Variants in CABLES1 observed in about 807,000 individuals in gnomAD.
CABLES1 encodes Cdk5 and Abl enzyme substrate 1, also known as CDK5 and ABL1 enzyme substrate 1.
In CABLES1, 36 loss-of-function variants were observed where a neutral mutation model predicts 57.8. That is an observed-to-expected ratio of 0.62 (90% CI 0.48 to 0.82). CABLES1 has a LOEUF of 0.82. Among genes scored for constraint, CABLES1 ranks in the 40% least tolerant of loss-of-function variants. The probability of loss-of-function intolerance (pLI) is 0.00; values close to 1 mark genes in which losing one functional copy is unlikely to be tolerated. For missense variants in CABLES1, 767 were observed against 836.6 expected, an observed-to-expected ratio of 0.92 and a Z score of 1.03; for synonymous variants, 374 against 363.0, an observed-to-expected ratio of 1.03 and a Z score of -0.35.
Position 23,194,487 on chromosome 18 carries a change from T to C in CABLES1, c.957T>C (p.Phe319=). The C allele has an allele frequency of 1.2e-6, 2 of 1,613,672 alleles. No homozygotes were observed. Among genetic ancestry groups the C allele is most frequent in the Non-Finnish European group, 1.7e-6 (2 of 1,179,536 alleles). The change falls in exon 3 of 10, where the codon TTT becomes TTC. Residue 319 remains phenylalanine, a synonymous_variant. Coordinates refer to ENST00000256925, the MANE Select transcript of CABLES1 (RefSeq NM_001100619.3). Reference sequence around the variant, plus strand: ...CAGGTTCACCCAGACCAAAGAATTTTAAGAAGATTCATTTTATCAAGAACA... The same window carrying C: ...CAGGTTCACCCAGACCAAAGAATTTCAAGAAGATTCATTTTATCAAGAACA... ...TLSGSPRPKN[F]KKIHFIKNMR...
At chr18:23,237,104 C>T (rs761091853) in intron 6 of CABLES1, 38 bp from the exon 7 acceptor site, 12 of 1,210,782 alleles carry the variant, frequency 9.9e-6, no homozygotes, top group East Asian at 9.3e-5. Flanking sequence ...GGTCCGGAGC[C>T]GCTAATTATC....
intron 4 of CABLES1, among the ~76,000 whole-genome samples, chr18:23,232,570 G>A (rs901967985): frequency 4.6e-5 from 7 of 152,228 alleles, no homozygotes; most frequent in Non-Finnish European, 1.0e-4. Context: ...TCGCCCTGGG[G>A]TGCCTGCATA....
At chr18:23,178,109 G>A (rs977866256) in intron 1 of CABLES1, among the ~76,000 whole-genome samples, 1 of 151,980 alleles carries the variant, frequency 6.6e-6, no homozygotes, top group African/African-American at 2.4e-5. Context: ...TCCTGGCTGG[G>A]CCCCCACTTT....
intron 4 of CABLES1, among the ~76,000 whole-genome samples, chr18:23,217,797 T>G (rs2047452930): frequency 6.6e-6 from 1 of 152,360 alleles, no homozygotes; most frequent in East Asian, 1.9e-4. Context: ...ATTCCTTTAC[T>G]TTTACGCTGA....
At chr18:23,146,017 G>A (rs569388528) in intron 1 of CABLES1, among the ~76,000 whole-genome samples, 9 of 152,298 alleles carry the variant, frequency 5.9e-5, no homozygotes, top group African/African-American at 1.7e-4. Flanking sequence ...TAGGTTTTAC[G>A]ATAAACAGAA....
intron 4 of CABLES1, among the ~76,000 whole-genome samples, chr18:23,230,221 A>T (rs2047557226): frequency 6.6e-6 from 1 of 152,112 alleles, no homozygotes; most frequent in Non-Finnish European, 1.5e-5. Context: ...AAATACAAAA[A>T]ATTAGCCGGG....
intron 7 of CABLES1, among the ~76,000 whole-genome samples, chr18:23,248,319 C>G (rs2047950105): frequency 6.6e-6 from 1 of 152,094 alleles, no homozygotes; most frequent in Admixed American, 6.5e-5. Flanking sequence ...TAAATGCAAT[C>G]AGCAGAATAC....
intron 7 of CABLES1, among the ~76,000 whole-genome samples, chr18:23,252,546 G>C (rs1434654108): frequency 6.6e-6 from 1 of 152,132 alleles, no homozygotes; most frequent in African/African-American, 2.4e-5. Context: ...TGAGATTTGG[G>C]GTGATTTGAA....
At chr18:23,247,091 G>A (rs1326158666) in intron 7 of CABLES1, among the ~76,000 whole-genome samples, 2 of 152,188 alleles carry the variant, frequency 1.3e-5, no homozygotes, top group Admixed American at 6.5e-5. Context: ...GTGGCTGAGG[G>A]GCTGTGGTAA....
At chr18:23,143,483 G>A (rs1166232258) in intron 1 of CABLES1, among the ~76,000 whole-genome samples, 1 of 152,224 alleles carries the variant, frequency 6.6e-6, no homozygotes, top group Non-Finnish European at 1.5e-5. Flanking sequence ...CGGGTTTCCC[G>A]CTGTATCTTC....
In CABLES1 at chr18:23,136,053, C is replaced by CG. The variant is rs1339926469; in HGVS notation, c.292dup (p.Ala98GlyfsTer202). 2 of 699,588 alleles carry CG rather than the reference C, an allele frequency of 2.9e-6. No homozygotes were observed. Among genetic ancestry groups the CG allele is most frequent in the African/African-American group, 6.1e-5 (2 of 32,666 alleles). The allele number at this position is 699,588 out of a possible 1,614,324, so 43.3% of individuals were successfully genotyped here. A position where few individuals can be genotyped will look rare whatever the true frequency, so the allele number is the denominator to read the frequency against. On this transcript the variant is annotated frameshift_variant, in exon 1 of 10. Transcript: ENST00000256925. LOFTEE classifies it high-confidence loss of function. ...AGGAGGGCGGCGCGGCCAAGCCGGGCGCCGGCGGCGCCTGCGGCGCGAGGA... is the reference window on the plus strand; with the variant it reads ...AGGAGGGCGGCGCGGCCAAGCCGGGCGGCCGGCGGCGCCTGCGGCGCGAGGA...
chr18:23,152,593 T>A (rs957347938), intron 1 of CABLES1, among the ~76,000 whole-genome samples: 1 of 151,674 alleles, frequency 6.6e-6, no homozygotes, highest in African/African-American at 2.4e-5. Context: ...CAGGCGATTC[T>A]TATGCCTCAG....
chr18:23,225,021 C>T (rs1369032825), intron 4 of CABLES1, among the ~76,000 whole-genome samples: 1 of 152,176 alleles, frequency 6.6e-6, no homozygotes, highest in African/African-American at 2.4e-5. Flanking sequence ...GCATGCACCA[C>T]CACGCCCAGC....
chr18:23,179,150 G>A (rs955617863), intron 1 of CABLES1, among the ~76,000 whole-genome samples: 13 of 152,034 alleles, frequency 8.6e-5, no homozygotes, highest in African/African-American at 2.9e-4. Flanking sequence ...GTCGGGTATT[G>A]TGGCGGGTCC....
intron 6 of CABLES1, among the ~76,000 whole-genome samples, chr18:23,236,485 G>A (rs1390756479): frequency 1.3e-5 from 2 of 152,112 alleles, no homozygotes; most frequent in East Asian, 1.9e-4. Flanking sequence ...CTGAGTTGGC[G>A]GCTGAAGGAA....
At chr18:23,253,396 T>C (rs1226048063) in intron 8 of CABLES1, among the ~76,000 whole-genome samples, 5 of 152,150 alleles carry the variant, frequency 3.3e-5, no homozygotes, top group African/African-American at 1.2e-4. Flanking sequence ...GGCAGGAGAA[T>C]TGCTTGAACC....
chr18:23,221,976 C>T (rs193063510), intron 4 of CABLES1, among the ~76,000 whole-genome samples: 10 of 152,166 alleles, frequency 6.6e-5, no homozygotes, highest in African/African-American at 2.4e-4. Context: ...CCTTCCTTCC[C>T]CATAGGTGTG....
In CABLES1 at chr18:23,257,461, A is replaced by G; in HGVS notation, c.*94A>G. ...GAAATGAAAAAAAGTAGAACTCAGA[A>G]TACCAGACTTTTCTTCCTCTCGACA... On this transcript the variant is annotated 3_prime_UTR_variant, in exon 10 of 10. Coordinates refer to ENST00000256925, the MANE Select transcript of CABLES1 (RefSeq NM_001100619.3). 4 of 1,349,008 alleles carry G rather than the reference A, an allele frequency of 3.0e-6. No individual in the cohort carries two copies. Among genetic ancestry groups the G allele is most frequent in the South Asian group, 1.5e-5 (1 of 65,930 alleles). 83.6% of individuals were successfully genotyped at this position (1,349,008 alleles called of 1,614,324 possible).
At position 23,135,866 on chromosome 18, in the gene CABLES1, C is replaced by T; in HGVS notation, c.104C>T (p.Pro35Leu). 1 of 1,024,124 alleles carries T rather than the reference C, an allele frequency of 9.8e-7. No homozygotes were observed. Among genetic ancestry groups the T allele is most frequent in the Non-Finnish European group, 1.2e-6 (1 of 857,020 alleles). The allele number at this position is 1,024,124 out of a possible 1,614,324, so 63.4% of individuals were successfully genotyped here. Residue 35 changes from proline (P) to leucine (L), a missense_variant, in exon 1 of 10, where the codon CCC (proline) becomes CTC (leucine). Pro to Leu is a moderately conservative substitution (Grantham distance 98, BLOSUM62 -3). This residue lies in a region of CABLES1 where 198 missense variants were observed against 149.7 expected (regional missense o/e 1.32). Transcript: ENST00000256925. ...ASGLQQPPPQ[P>L]QPQPAAAAPA... Reference sequence around the variant, plus strand: ...GGATTGCAGCAGCCGCCGCCGCAGCCCCAGCCTCAGCCCGCGGCCGCCGCG... The same window carrying T: ...GGATTGCAGCAGCCGCCGCCGCAGCTCCAGCCTCAGCCCGCGGCCGCCGCG...
Sources: gnomAD v4.1 joint callset for allele counts (sites outside exome capture counted in the v4.1 genomes callset) on GRCh38, gnomAD v4.1.1 for gene constraint, gnomAD v4.1.1 regional missense constraint, MANE v1.5 for transcripts, NCBI Gene and HGNC (gene_info 2026-07-23, HGNC 2026-07-21) for gene names.